Variants in RANBP3L observed in about 807,000 individuals in gnomAD.
RANBP3L encodes the protein ran-binding protein 3-like.
A neutral mutation model predicts 67.2 loss-of-function variants in RANBP3L; 56 were observed. That is an observed-to-expected ratio of 0.83 (90% CI 0.67 to 1.04). RANBP3L has a LOEUF of 1.04. Ranked by LOEUF, RANBP3L falls within the 50% of genes least tolerant of loss-of-function variation. The pLI, the probability that RANBP3L is intolerant of heterozygous loss-of-function variation, is 0.00. For missense variants in RANBP3L, 496 were observed against 535.5 expected (o/e 0.93, Z 0.73); for synonymous variants, 164 against 181.4 (o/e 0.90, Z 0.77).
chr5:36,261,417 G>A (rs1749378638), intron 7 of RANBP3L, among the ~76,000 whole-genome samples: 1 of 152,136 alleles, frequency 6.6e-6, no homozygotes, highest in African/African-American at 2.4e-5. Context: ...AATGCACATA[G>A]AAGGCACCTG....
At position 36,253,720 on chromosome 5, in the gene RANBP3L, C is replaced by T. The variant is rs776589950; in HGVS notation, c.1094G>A (p.Arg365Lys). The change falls in exon 12 of 14, where the codon AGA becomes AAA. Residue 365 changes from arginine to lysine, a missense_variant. Physicochemically the swap from Arg to Lys is conservative, Grantham distance 26 (BLOSUM62 2). Coordinates refer to ENST00000296604, the MANE Select transcript of RANBP3L (RefSeq NM_145000.5). ...TATTCGTACATTTTTGTGGTTTGCT[C>T]TTTGAATCTTCATTTGGGCCCAGAG... is the stretch of plus-strand genomic sequence containing the variant. ...SKLWAQMKIQRANHKNVRITA... is the reference protein window; with the variant it reads ...SKLWAQMKIQKANHKNVRITA... The T allele has an allele frequency of 6.2e-7, 1 of 1,612,754 alleles. No homozygotes were observed. The highest frequency in any genetic ancestry group is 2.2e-5 in the East Asian group (1 of 44,842).
In RANBP3L at chr5:36,287,630, A is replaced by G. The variant is rs140837832; in HGVS notation, c.91+13696T>C. Among the ~76,000 whole-genome samples the G allele has an allele frequency of 3.5e-3, 538 of 152,292 alleles. 2 individuals are homozygous for G. The highest frequency in any genetic ancestry group is 0.02 in the Middle Eastern group (6 of 294). Reference sequence around the variant, plus strand: ...AAATCGTTGATTCTAAAGGATGTTCAATAATGAAAAGACAGATGCTTGACA... The same window carrying G: ...AAATCGTTGATTCTAAAGGATGTTCGATAATGAAAAGACAGATGCTTGACA... On this transcript the variant is annotated intron_variant, in intron 1 of 13. Coordinates refer to ENST00000296604, the MANE Select transcript of RANBP3L (RefSeq NM_145000.5).
intron 1 of RANBP3L, among the ~76,000 whole-genome samples, chr5:36,285,779 C>G (rs190732893): frequency 6.6e-6 from 1 of 152,286 alleles, no homozygotes; most frequent in African/African-American, 2.4e-5. Context: ...CCTTCTCAAT[C>G]AATATCCGAG....
chr5:36,290,919 T>G (rs9292623), intron 1 of RANBP3L, among the ~76,000 whole-genome samples: 2 of 134,902 alleles, frequency 1.5e-5, no homozygotes, highest in African/African-American at 6.2e-5. Flanking sequence ...TTTTTTTTTG[T>G]ATTTTTAGTA....
intron 8 of RANBP3L, 100 bp downstream of exon 8, chr5:36,260,680 A>G: frequency 1.6e-6 from 1 of 607,042 alleles, no homozygotes; most frequent in Non-Finnish European, 2.9e-6. Context: ...AGGAGTTAAA[A>G]AGTATAATTC....
At chr5:36,269,087 G>C (rs1750022229) in intron 4 of RANBP3L, among the ~76,000 whole-genome samples, 1 of 152,114 alleles carries the variant, frequency 6.6e-6, no homozygotes, top group Non-Finnish European at 1.5e-5. Flanking sequence ...TGGAAACATA[G>C]CAAAATACAG....
At chr5:36,282,796 G>A (rs1327660627) in intron 1 of RANBP3L, among the ~76,000 whole-genome samples, 1 of 152,048 alleles carries the variant, frequency 6.6e-6, no homozygotes, top group African/African-American at 2.4e-5. Context: ...GAACCCCCAG[G>A]AGACCCATCA....
intron 10 of RANBP3L, among the ~76,000 whole-genome samples, chr5:36,256,159 T>G (rs1005001840): frequency 6.6e-6 from 1 of 152,106 alleles, no homozygotes; most frequent in Non-Finnish European, 1.5e-5. Flanking sequence ...CTGCAATCAT[T>G]ACTACTGTGT....
chr5:36,291,689 A>G (rs1310659543), intron 1 of RANBP3L, among the ~76,000 whole-genome samples: 7 of 148,960 alleles, frequency 4.7e-5, no homozygotes, highest in African/African-American at 1.5e-4. Context: ...TGAGAATGAT[A>G]ATTTCCAATT....
intron 1 of RANBP3L, among the ~76,000 whole-genome samples, chr5:36,275,056 T>C (rs914680630): frequency 1.3e-5 from 2 of 152,214 alleles, no homozygotes; most frequent in Admixed American, 1.3e-4. Flanking sequence ...TATTCAATGT[T>C]GTTTTTTTCT....
chr5:36,292,088 C>T (rs1751828484), intron 1 of RANBP3L, among the ~76,000 whole-genome samples: 2 of 148,868 alleles, frequency 1.3e-5, no homozygotes, highest in Non-Finnish European at 3.0e-5. Flanking sequence ...TGAATGATTG[C>T]CATTCTAACT....
intron 13 of RANBP3L, among the ~76,000 whole-genome samples, chr5:36,250,827 A>G (rs1297734347): frequency 6.6e-6 from 1 of 152,126 alleles, no homozygotes; most frequent in African/African-American, 2.4e-5. Context: ...AATAAAAGAA[A>G]TAGTACTTTT....
chr5:36,253,756 A>G lies in RANBP3L; in HGVS notation c.1058T>C (p.Leu353Pro). 6.2e-7 allele frequency: 1 copy of G among 1,613,166 alleles called. No individual in the cohort carries two copies. Among genetic ancestry groups the G allele is most frequent in the Non-Finnish European group, 8.5e-7 (1 of 1,179,262 alleles). Residue 353 changes from leucine (L) to proline (P), a missense_variant, in exon 12 of 14, where the codon CTC becomes CCC. Physicochemically the swap from Leu to Pro is moderately conservative, Grantham distance 98 (BLOSUM62 -3). Coordinates refer to ENST00000296604, the MANE Select transcript of RANBP3L (RefSeq NM_145000.5). ...MRNQGSLRLI[L>P]NSKLWAQMKI... Reference sequence around the variant, plus strand: ...CATTTGGGCCCAGAGTTTGCTGTTGAGGATCAGCCTTAGACTGCCTTGATT... The same window carrying G: ...CATTTGGGCCCAGAGTTTGCTGTTGGGGATCAGCCTTAGACTGCCTTGATT...
intron 2 of RANBP3L, among the ~76,000 whole-genome samples, chr5:36,270,668 T>C (rs1750141465): frequency 6.6e-6 from 1 of 152,126 alleles, no homozygotes; most frequent in African/African-American, 2.4e-5. Context: ...CTAATTTCTT[T>C]TTATTTTTTT....
At chr5:36,278,693 G>A (rs993375484) in intron 1 of RANBP3L, among the ~76,000 whole-genome samples, 7 of 152,094 alleles carry the variant, frequency 4.6e-5, no homozygotes, top group Non-Finnish European at 8.8e-5. Flanking sequence ...TCAGTGTAAG[G>A]TGAAGTCAAG....
intron 1 of RANBP3L, among the ~76,000 whole-genome samples, chr5:36,288,745 GC>G (rs892373046): frequency 1.3e-5 from 2 of 152,046 alleles, no homozygotes. Context: ...CTTTTGATGT[GC>G]TTTTGGCCAT....
chr5:36,263,822 T>C (rs10805611), intron 6 of RANBP3L, among the ~76,000 whole-genome samples: 133,497 of 152,310 alleles, frequency 0.88, 59,663 homozygotes, highest in Non-Finnish European at 0.97. Context: ...CCACCACGCC[T>C]GGCCACTTCA....
At chr5:36,294,348 A>C (rs1334702998) in intron 1 of RANBP3L, among the ~76,000 whole-genome samples, 1 of 151,678 alleles carries the variant, frequency 6.6e-6, no homozygotes, top group Non-Finnish European at 1.5e-5. Context: ...CTTTCAAAAA[A>C]CCAGCTCCTG....
chr5:36,250,448 A>C (rs890630728), intron 13 of RANBP3L, among the ~76,000 whole-genome samples: 2 of 152,030 alleles, frequency 1.3e-5, no homozygotes, highest in African/African-American at 4.8e-5. Context: ...AAGATATTTC[A>C]TCCAGTTATG....
Sources: gnomAD v4.1 joint callset for allele counts (sites outside exome capture counted in the v4.1 genomes callset) on GRCh38, gnomAD v4.1.1 for gene constraint, MANE v1.5 for transcripts, NCBI Gene and HGNC (gene_info 2026-07-23, HGNC 2026-07-21) for gene names.